The following TM6SF2 variants were observed in gnomAD, a reference collection of about 807,000 sequenced individuals.
TM6SF2 encodes transmembrane 6 superfamily member 2.
A neutral mutation model predicts 41.0 loss-of-function variants in TM6SF2; 29 were observed. The observed-to-expected ratio is 0.71, with a 90% confidence interval of 0.53 to 0.96. The LOEUF is 0.96. Among genes scored for constraint, TM6SF2 ranks in the 50% least tolerant of loss-of-function variants. The pLI, the probability that TM6SF2 is intolerant of heterozygous loss-of-function variation, is 0.00. For missense variants in TM6SF2, 475 were observed against 499.0 expected (o/e 0.95, Z 0.46); for synonymous variants, 200 against 209.1 (o/e 0.96, Z 0.37).
At chr19:19,266,809 A>C in intron 8 of TM6SF2, 200 bp from the exon 9 acceptor site, 1 of 548,520 alleles carries the variant, frequency 1.8e-6, no homozygotes. Flanking sequence ...CAAACCTACT[A>C]ACCTTTCTCT....
chr19:19,272,501 T>C (rs1369052226), intron 1 of TM6SF2, among the ~76,000 whole-genome samples: 1 of 152,090 alleles, frequency 6.6e-6, no homozygotes, highest in African/African-American at 2.4e-5. Context: ...TGGCTTGGGT[T>C]GAGCTGGGTT....
intron 9 of TM6SF2, 23 bp from the exon 10 acceptor site, chr19:19,264,896 G>T: frequency 6.6e-7 from 1 of 1,504,292 alleles, no homozygotes; most frequent in African/African-American, 1.4e-5. Flanking sequence ...CAGGGAAGAT[G>T]GATGTCAGGG....
rs2061022030 is a variant in TM6SF2, at chr19:19,271,033, G to C, written c.188C>G (p.Pro63Arg). The stretch of plus-strand genomic sequence containing the variant: ...TCCCACTGACTCACCAGCATAGAGT[G>C]GGTCATAGGAGACCTCGCCATGGGA... Reference protein sequence around the residue: ...SLSHGEVSYDPLYAVFAVFAF... With the variant: ...SLSHGEVSYDRLYAVFAVFAF... The change falls in exon 2 of 10, where the codon CCA becomes CGA. Residue 63 changes from proline to arginine, a missense_variant. Coordinates refer to ENST00000389363, the MANE Select transcript of TM6SF2 (RefSeq NM_001001524.3). The C allele has an allele frequency of 6.2e-7, 1 of 1,613,776 alleles. No homozygotes were observed. The highest frequency in any genetic ancestry group is 1.7e-5 in the Admixed American group (1 of 60,006).
At chr19:19,265,592 T>A (rs568975835) in intron 9 of TM6SF2, among the ~76,000 whole-genome samples, 1 of 152,212 alleles carries the variant, frequency 6.6e-6, no homozygotes, top group Non-Finnish European at 1.5e-5. Flanking sequence ...CTAATTTTTG[T>A]ACTTTTTGTA....
At chr19:19,273,058 T>TCCAGGCCCCC in intron 1 of TM6SF2, 63 bp downstream of exon 1, 2 of 470,238 alleles carry the variant, frequency 4.3e-6, no homozygotes, top group East Asian at 4.1e-5. Flanking sequence ...CCACCTCCAG[T>TCCAGGCCCCC]CCTCCCCGCC....
chr19:19,270,470 G>C, intron 2 of TM6SF2, 28 bp from the exon 3 acceptor site: 1 of 1,592,032 alleles, frequency 6.3e-7, no homozygotes. Context: ...GCCGGGTCAG[G>C]TGTGGGAGGG....
Position 19,269,568 on chromosome 19 carries a change from G to T in TM6SF2, c.484+119C>A, listed in dbSNP as rs2061015428. On this transcript the variant is annotated intron_variant, in intron 5 of 9. Transcript: ENST00000389363. Reference sequence around the variant, plus strand: ...GACTGAGGCTGTGGACACGCAAAGAGGGAGGTGGGGCCTCTGCAGACATCA... The same window carrying T: ...GACTGAGGCTGTGGACACGCAAAGATGGAGGTGGGGCCTCTGCAGACATCA... 10 of 1,210,890 alleles carry T rather than the reference G, an allele frequency of 8.3e-6. No homozygotes were observed. The South Asian group carries it at 1.4e-4, about 17-fold the overall frequency. 75.0% of individuals were successfully genotyped at this position (1,210,890 alleles called of 1,614,324 possible).
Position 19,270,336 on chromosome 19 carries a change from C to A in TM6SF2, c.297+9G>T. ...GCGGTAGGGGGCTCCCTGGTCGTCCCCCAAGTACCTCCTTGGTGTAGAACT... is the reference window on the plus strand; with the variant it reads ...GCGGTAGGGGGCTCCCTGGTCGTCCACCAAGTACCTCCTTGGTGTAGAACT... On this transcript the variant is annotated intron_variant, in intron 3 of 9. Coordinates refer to ENST00000389363, the MANE Select transcript of TM6SF2 (RefSeq NM_001001524.3). 6.2e-7 allele frequency: 1 copy of A among 1,614,024 alleles called. No individual in the cohort carries two copies.
At chr19:19,273,082 A>AGG in intron 1 of TM6SF2, 39 bp downstream of exon 1, 1 of 200,676 alleles carries the variant, frequency 5.0e-6, no homozygotes, top group Non-Finnish European at 7.7e-6. Flanking sequence ...GCCCGCCCCC[A>AGG]CTGTCCCCAA....
intron 1 of TM6SF2, 58 bp downstream of exon 1, chr19:19,273,063 C>T: frequency 3.1e-6 from 1 of 322,030 alleles, no homozygotes; most frequent in Non-Finnish European, 5.9e-6. Context: ...TCCAGTCCTC[C>T]CCGCCCCCGC....
At chr19:19,266,114 C>A (rs2061002221) in intron 9 of TM6SF2, among the ~76,000 whole-genome samples, 1 of 152,130 alleles carries the variant, frequency 6.6e-6, no homozygotes, top group Non-Finnish European at 1.5e-5. Flanking sequence ...CTCTTATCTG[C>A]CTTTACCTGG....
At chr19:19,268,230 G>A in intron 6 of TM6SF2, 143 bp from the exon 7 acceptor site, 2 of 598,714 alleles carry the variant, frequency 3.3e-6, no homozygotes, top group Non-Finnish European at 2.8e-6. Flanking sequence ...TTTTGAGACA[G>A]GGTCTCATTC....
chr19:19,271,194 G>C lies in TM6SF2; in HGVS notation c.96-69C>G, dbSNP rs190419475. 254 of 1,279,256 alleles carry C rather than the reference G, an allele frequency of 2.0e-4. 2 individuals are homozygous for C. The African/African-American group carries it at 3.4e-3, about 17-fold the overall frequency. The allele number at this position is 1,279,256 out of a possible 1,614,324, so 79.2% of individuals were successfully genotyped here. ...GAGGCATCGCCCCACTCTCCCTGGT[G>C]GGGGAAGGGGCAGACTCCTGGAAGC... On this transcript the variant is annotated intron_variant, in intron 1 of 9. Coordinates refer to ENST00000389363, the MANE Select transcript of TM6SF2 (RefSeq NM_001001524.3).
chr19:19,273,058 T>TCCAGGCCCCCCCCCCCCCCCC, intron 1 of TM6SF2, 63 bp downstream of exon 1: 5 of 470,238 alleles, frequency 1.1e-5, no homozygotes, highest in East Asian at 4.1e-5. Flanking sequence ...CCACCTCCAG[T>TCCAGGCCCCCCCCCCCCCCCC]CCTCCCCGCC....
At chr19:19,272,303 G>A (rs1001528360) in intron 1 of TM6SF2, among the ~76,000 whole-genome samples, 5 of 152,184 alleles carry the variant, frequency 3.3e-5, no homozygotes, top group Non-Finnish European at 7.4e-5. Flanking sequence ...ATGAGACCAA[G>A]ACAAATCTTT....
In TM6SF2 at chr19:19,268,660, G is replaced by A; in HGVS notation, c.579C>T (p.Pro193=). 1.3e-6 allele frequency: 2 copies of A among 1,590,162 alleles called. No individual in the cohort carries two copies. The highest frequency in any genetic ancestry group is 1.1e-5 in the South Asian group (1 of 87,380). ...TGGCGGTGCAGCGGGTTAGCGCCCG[G>A]GGCTGGCTGAAGACCTTCATGCCAG... The part of the protein sequence containing the change: ...CWAGMKVFSQ[P]RALTRCTANM... Residue 193 remains proline, a synonymous_variant, in exon 6 of 10, where the codon CCC becomes CCT. Coordinates refer to ENST00000389363, the MANE Select transcript of TM6SF2 (RefSeq NM_001001524.3).
Position 19,264,850 on chromosome 19 carries a change from A to T in TM6SF2, c.948T>A (p.Ala316=). 1.3e-6 allele frequency: 2 copies of T among 1,583,876 alleles called. No individual in the cohort carries two copies. Among genetic ancestry groups the T allele is most frequent in the Admixed American group, 1.8e-5 (1 of 55,856 alleles). The stretch of plus-strand genomic sequence containing the variant: ...TGAAGGGTGTGCGCAGGTGCATGGA[A>T]GCCCCCATGTGCGAGAACTGTGCCT... ...IGQAQFSHMG[A]SMHLRTPFTY... is the part of the protein sequence containing the mutation. The change falls in exon 10 of 10, where the codon GCT becomes GCA. Residue 316 remains alanine, a synonymous_variant. Transcript: ENST00000389363.
chr19:19,272,201 C>A (rs1361224077), intron 1 of TM6SF2, among the ~76,000 whole-genome samples: 1 of 152,160 alleles, frequency 6.6e-6, no homozygotes, highest in Non-Finnish European at 1.5e-5. Flanking sequence ...AGACTCTGTC[C>A]ATCACTCTCC....
At position 19,266,537 on chromosome 19, in the gene TM6SF2, A is replaced by G. The variant is rs1205611421; in HGVS notation, c.877T>C (p.Ser293Pro). The change falls in exon 9 of 10, where the codon TCC (serine) becomes CCC (proline). Residue 293 changes from serine (S) to proline (P), a missense_variant. Coordinates refer to ENST00000389363, the MANE Select transcript of TM6SF2 (RefSeq NM_001001524.3). The stretch of plus-strand genomic sequence containing the variant: ...ACCAAGGCCCAGTCTGGAAGCCAGG[A>G]GCAACCAGGGAAGGTGAGAGCATAG... Reference protein sequence around the residue: ...AAYALTFPGCSWLPDWALVFA... With the variant: ...AAYALTFPGCPWLPDWALVFA... 6 of 1,614,086 alleles carry G rather than the reference A, an allele frequency of 3.7e-6. No homozygotes were observed. Among genetic ancestry groups the G allele is most frequent in the Non-Finnish European group, 5.1e-6 (6 of 1,179,966 alleles).
Sources: gnomAD v4.1 joint callset for allele counts (sites outside exome capture counted in the v4.1 genomes callset) on GRCh38, gnomAD v4.1.1 for gene constraint, MANE v1.5 for transcripts, NCBI Gene and HGNC (gene_info 2026-07-23, HGNC 2026-07-21) for gene names.